The following CLCN4 variants were observed in gnomAD, a reference collection of about 807,000 sequenced individuals.
CLCN4 encodes the protein H(+)/Cl(-) exchange transporter 4.
In CLCN4, 1 loss-of-function variant was observed where a neutral mutation model predicts 41.7. That is an observed-to-expected ratio of 0.02 (90% CI 0.01 to 0.11). The LOEUF (loss-of-function observed/expected upper bound fraction) is 0.11. Ranked by LOEUF, CLCN4 falls within the 10% of genes least tolerant of loss-of-function variation. The pLI, the probability that CLCN4 is intolerant of heterozygous loss-of-function variation, is 1.00. For missense variants in CLCN4, 287 were observed against 661.0 expected (o/e 0.43, Z 6.20); for synonymous variants, 277 against 285.8 (o/e 0.97, Z 0.31).
intron 12 of CLCN4, among the ~76,000 whole-genome samples, chrX:10,227,635 A>G (rs1189408000): frequency 8.9e-6 from 1 of 111,949 alleles, no homozygotes; most frequent in East Asian, 2.8e-4. Flanking sequence ...CACCCCAAAA[A>G]GAAACCCCAC....
chrX:10,175,559 G>C (rs1434210298), intron 2 of CLCN4, among the ~76,000 whole-genome samples: 1 of 111,637 alleles, frequency 9.0e-6, no homozygotes, highest in Non-Finnish European at 1.9e-5. Flanking sequence ...TGGAAAATCT[G>C]TAAGAAATGA....
At chrX:10,217,164 G>A (rs912725463) in intron 11 of CLCN4, among the ~76,000 whole-genome samples, 8 of 107,373 alleles carry the variant, frequency 7.5e-5, no homozygotes, top group Non-Finnish European at 1.4e-4. Flanking sequence ...GCAGTGGCGC[G>A]ATCATAGCTC....
rs376745468 is a variant in CLCN4, at chrX:10,208,520, C to T, written c.1319C>T (p.Thr440Met). Residue 440 changes from threonine to methionine, a missense_variant, in exon 9 of 13, where the codon ACG (threonine) becomes ATG (methionine). Thr to Met is a moderately conservative substitution (Grantham distance 81, BLOSUM62 -1). This residue lies in a region of CLCN4 where 94 missense variants were observed against 177.9 expected (regional missense o/e 0.53). Transcript: ENST00000380833. ...CGGCCGGCTGGTGTCGGTGTTTACA[C>T]GGCCATGTGGCAGCTGGCCCTGGCA... Reference protein sequence around the residue: ...PDRPAGVGVYTAMWQLALALI... With the variant: ...PDRPAGVGVYMAMWQLALALI... The T allele has an allele frequency of 1.2e-5, 14 of 1,209,050 alleles. No homozygotes were observed. The highest frequency in any genetic ancestry group is 5.3e-5 in the African/African-American group (3 of 56,960).
In CLCN4 at chrX:10,206,404, A is replaced by G; in HGVS notation, c.602A>G (p.Lys201Arg). The G allele has an allele frequency of 8.3e-7, 1 of 1,210,430 alleles. No homozygotes were observed. The highest frequency in any genetic ancestry group is 1.8e-5 in the South Asian group (1 of 56,829). The change falls in exon 7 of 13, where the codon AAG (lysine) becomes AGG (arginine). Residue 201 changes from lysine to arginine, a missense_variant. By Grantham distance (26) the Lys-to-Arg change is conservative. This residue lies in a region of CLCN4 where 90 missense variants were observed against 209.8 expected (regional missense o/e 0.43). Transcript: ENST00000380833. The stretch of plus-strand genomic sequence containing the variant: ...TTTATCATCAGGGGCTACTTGGGGA[A>G]GTGGACCCTGCTAATCAAGACAGTC... ...SGFIIRGYLG[K>R]WTLLIKTVTL...
At chrX:10,193,259 G>A (rs187594682) in intron 4 of CLCN4, among the ~76,000 whole-genome samples, 172 of 112,138 alleles carry the variant, frequency 1.5e-3, no homozygotes, top group African/African-American at 4.6e-3. Flanking sequence ...TGTGGGCATC[G>A]GAAGCTGACG....
chrX:10,187,270 A>G (rs778461686), intron 3 of CLCN4, among the ~76,000 whole-genome samples: 60 of 112,114 alleles, frequency 5.4e-4, no homozygotes, highest in African/African-American at 1.9e-3. Flanking sequence ...AATTAAGTGA[A>G]TTATTTGAGT....
intron 3 of CLCN4, 136 bp downstream of exon 3, chrX:10,185,312 G>A (rs1923782306): frequency 3.3e-6 from 2 of 599,265 alleles, no homozygotes. Flanking sequence ...GCCAGTGGGA[G>A]GAGCAGATAT....
At chrX:10,168,001 G>A (rs990844434) in intron 2 of CLCN4, among the ~76,000 whole-genome samples, 1 of 112,193 alleles carries the variant, frequency 8.9e-6, no homozygotes, top group Non-Finnish European at 1.9e-5. Flanking sequence ...TTCTCTGATC[G>A]TTCCATATTT....
At chrX:10,203,110 A>G (rs918303399) in intron 6 of CLCN4, among the ~76,000 whole-genome samples, 5 of 112,326 alleles carry the variant, frequency 4.5e-5, no homozygotes, top group South Asian at 3.7e-4. Flanking sequence ...AATTCACCAC[A>G]TGTCATGGCT....
chrX:10,183,904 G>A (rs1170902534), intron 2 of CLCN4, among the ~76,000 whole-genome samples: 5 of 112,388 alleles, frequency 4.4e-5, no homozygotes, highest in Non-Finnish European at 7.5e-5. Context: ...CCAGGGCAGC[G>A]TGCCACCAGC....
rs932355665 is a variant in CLCN4, at chrX:10,208,209, C to A, written c.1008C>A (p.Ile336=). The A allele has an allele frequency of 7.4e-6, 9 of 1,209,273 alleles. No individual in the cohort carries two copies. The Admixed American group carries it at 1.5e-4, about 21-fold the overall frequency. The part of the protein sequence containing the change: ...PWYMAELFPF[I]LLGVFGGLWG... ...ACATGGCTGAACTCTTCCCCTTCAT[C>A]CTGCTTGGGGTCTTCGGGGGCTTGT... Residue 336 remains isoleucine (I), a synonymous_variant, in exon 9 of 13, where the codon ATC becomes ATA. Transcript: ENST00000380833.
At position 10,213,844 on chromosome X, in the gene CLCN4, G is replaced by A. The variant is rs200645499; in HGVS notation, c.1740G>A (p.Gly580=). The A allele has an allele frequency of 5.8e-6, 7 of 1,210,641 alleles. No individual in the cohort carries two copies. The highest frequency in any genetic ancestry group is 2.2e-5 in the Admixed American group (1 of 45,909). ...GIYEAHIHLN[G]YPFLDVKDEF... ...ACGAGGCCCACATCCACTTAAATGG[G>A]TACCCTTTCCTTGACGTGAAGGACG... The change falls in exon 11 of 13, where the codon GGG becomes GGA. Residue 580 remains glycine (G), a synonymous_variant. Transcript: ENST00000380833.
intron 12 of CLCN4, among the ~76,000 whole-genome samples, chrX:10,227,945 A>C (rs1925030149): frequency 9.1e-6 from 1 of 110,331 alleles, no homozygotes; most frequent in Admixed American, 9.6e-5. Context: ...CTTTTTTTTA[A>C]ATTATTTTTA....
chrX:10,224,561 C>T (rs566269158), intron 12 of CLCN4, among the ~76,000 whole-genome samples: 8 of 109,764 alleles, frequency 7.3e-5, no homozygotes, highest in African/African-American at 2.3e-4. Context: ...GCAGGCGCTC[C>T]GGGGGGACTG....
chrX:10,165,467 T>C (rs1285775061), intron 2 of CLCN4, among the ~76,000 whole-genome samples: 3 of 111,748 alleles, frequency 2.7e-5, no homozygotes. Context: ...TCTGAGGCAG[T>C]TGGGGCGCCC....
chrX:10,161,124 GCTCT>G (rs34687262), intron 2 of CLCN4, among the ~76,000 whole-genome samples: 5,953 of 86,255 alleles, frequency 0.069, 172 homozygotes, highest in Non-Finnish European at 0.084. Flanking sequence ...CCATCAGCTT[GCTCT>G]CTCTCTCTCT....
intron 6 of CLCN4, 80 bp from the exon 7 acceptor site, chrX:10,206,278 C>T: frequency 1.4e-6 from 1 of 728,109 alleles, no homozygotes; most frequent in Non-Finnish European, 2.1e-6. Context: ...TTGAACGTGT[C>T]TCTCAGAGGA....
At chrX:10,206,593 G>A (rs1245129584) in intron 7 of CLCN4, 29 bp downstream of exon 7, 33 of 1,200,883 alleles carry the variant, frequency 2.7e-5, no homozygotes, top group Admixed American at 4.4e-5. Flanking sequence ...CATCTGCAGC[G>A]AAACTTTCTT....
intron 2 of CLCN4, among the ~76,000 whole-genome samples, chrX:10,184,341 C>T (rs1459000460): frequency 9.0e-6 from 1 of 111,321 alleles, no homozygotes; most frequent in Non-Finnish European, 1.9e-5. Flanking sequence ...GATCAATACT[C>T]GTGGAGCTTT....
Sources: gnomAD v4.1 joint callset for allele counts (sites outside exome capture counted in the v4.1 genomes callset) on GRCh38, gnomAD v4.1.1 for gene constraint, gnomAD v4.1.1 regional missense constraint, MANE v1.5 for transcripts, NCBI Gene and HGNC (gene_info 2026-07-23, HGNC 2026-07-21) for gene names.